Variants in FRMPD4 observed in about 807,000 individuals in gnomAD.
The protein encoded by FRMPD4 is FERM and PDZ domain-containing protein 4.
FRMPD4 carries 22 observed loss-of-function variants against 94.1 expected under a neutral mutation model. The ratio of observed to expected loss-of-function variants is 0.23; its 90% CI spans 0.17 to 0.33. The LOEUF is 0.33. Ranked by LOEUF, FRMPD4 falls within the 10% of genes least tolerant of loss-of-function variation. The pLI is 1.00. For synonymous variants in FRMPD4, 631 were observed against 548.6 expected, an observed-to-expected ratio of 1.15 and a Z score of -2.10; for missense variants, 1,111 against 1,339.9, an observed-to-expected ratio of 0.83 and a Z score of 2.67.
chrX:12,605,286 G>A (rs2059120875), intron 2 of FRMPD4, among the ~76,000 whole-genome samples: 1 of 112,348 alleles, frequency 8.9e-6, no homozygotes, highest in Admixed American at 9.4e-5. Flanking sequence ...ATGCTCATAG[G>A]CAACATGCTC....
chrX:12,645,049 T>C (rs1286227197), intron 4 of FRMPD4, among the ~76,000 whole-genome samples: 2 of 111,555 alleles, frequency 1.8e-5, no homozygotes, highest in African/African-American at 6.5e-5. Flanking sequence ...TAAGGTCTCA[T>C]TTGGGCAGAG....
At chrX:12,451,852 T>C (rs771178946) in intron 1 of FRMPD4, among the ~76,000 whole-genome samples, 21 of 109,894 alleles carry the variant, frequency 1.9e-4, no homozygotes, top group African/African-American at 6.9e-4. Flanking sequence ...CCAGCCTCAA[T>C]AGCTACTTTA....
At chrX:12,435,304 T>G (rs746221347) in intron 1 of FRMPD4, among the ~76,000 whole-genome samples, 2 of 111,860 alleles carry the variant, frequency 1.8e-5, no homozygotes, top group African/African-American at 6.5e-5. Flanking sequence ...CCTAAAACAT[T>G]TTTAAATCAC....
intron 3 of FRMPD4, among the ~76,000 whole-genome samples, chrX:12,120,372 T>C (rs1341451611): frequency 8.9e-6 from 1 of 112,159 alleles, no homozygotes; most frequent in Non-Finnish European, 1.9e-5. Flanking sequence ...CGTCACAAAA[T>C]TGAATCTCTG....
At chrX:12,042,805 AAGGCT>A (rs1411393303) in intron 3 of FRMPD4, among the ~76,000 whole-genome samples, 1 of 111,911 alleles carries the variant, frequency 8.9e-6, no homozygotes, top group East Asian at 2.8e-4. Flanking sequence ...CCTAGAACCT[AAGGCT>A]AGCAAGACCG....
chrX:12,631,839 G>A (rs1256404089), intron 4 of FRMPD4, among the ~76,000 whole-genome samples: 2 of 111,528 alleles, frequency 1.8e-5, no homozygotes, highest in African/African-American at 6.5e-5. Context: ...TGTCACCTTA[G>A]GCTTCATTCA....
chrX:12,141,792 G>A, intron 1 of FRMPD4, among the ~76,000 whole-genome samples: 1 of 111,773 alleles, frequency 8.9e-6, no homozygotes, highest in Non-Finnish European at 1.9e-5. Flanking sequence ...CTGTTTCCTT[G>A]GTAACAGTTC....
intron 3 of FRMPD4, among the ~76,000 whole-genome samples, chrX:12,026,464 GAGA>G (rs373169832): frequency 4.6e-4 from 51 of 111,467 alleles, no homozygotes; most frequent in African/African-American, 1.5e-3. Context: ...TTGGTTCTAT[GAGA>G]AGAAGATCAT....
At chrX:12,188,976 A>G (rs747606957) in intron 1 of FRMPD4, among the ~76,000 whole-genome samples, 2 of 111,850 alleles carry the variant, frequency 1.8e-5, no homozygotes, top group South Asian at 7.4e-4. Context: ...GAAATCAATA[A>G]AGAAATTTCT....
At chrX:12,089,305 G>A (rs1247860631) in intron 3 of FRMPD4, among the ~76,000 whole-genome samples, 1 of 112,050 alleles carries the variant, frequency 8.9e-6, no homozygotes, top group Non-Finnish European at 1.9e-5. Context: ...GCATTTCTAT[G>A]GAGAGTAAAC....
intron 1 of FRMPD4, among the ~76,000 whole-genome samples, chrX:12,270,211 A>G (rs2054334246): frequency 9.0e-6 from 1 of 111,522 alleles, no homozygotes; most frequent in Admixed American, 9.5e-5. Context: ...TCAATTCTCT[A>G]TAATGCTAAT....
At chrX:12,714,904 T>C (rs1327985081) in intron 14 of FRMPD4, among the ~76,000 whole-genome samples, 2 of 112,595 alleles carry the variant, frequency 1.8e-5, no homozygotes, top group East Asian at 2.8e-4. Context: ...TATCTCTTAT[T>C]GTTCATGAAA....
At chrX:12,223,040 G>T (rs1305932383) in intron 1 of FRMPD4, among the ~76,000 whole-genome samples, 2 of 112,269 alleles carry the variant, frequency 1.8e-5, no homozygotes, top group Non-Finnish European at 3.8e-5. Context: ...ATATAGGAAT[G>T]ATATGTTTAA....
chrX:12,366,330 C>T (rs2056077989), intron 1 of FRMPD4, among the ~76,000 whole-genome samples: 1 of 111,894 alleles, frequency 8.9e-6, no homozygotes, highest in African/African-American at 3.3e-5. Flanking sequence ...TGATGATGAA[C>T]CTCCTTGCCA....
chrX:11,983,161 C>A (rs1020129739), intron 3 of FRMPD4, among the ~76,000 whole-genome samples: 26 of 112,219 alleles, frequency 2.3e-4, no homozygotes, highest in African/African-American at 7.8e-4. Context: ...CATGTGTGGA[C>A]AAGCTTTAGG....
intron 1 of FRMPD4, among the ~76,000 whole-genome samples, chrX:12,246,088 C>T (rs772150569): frequency 9.0e-6 from 1 of 111,369 alleles, no homozygotes; most frequent in African/African-American, 3.3e-5. Flanking sequence ...GGTATTCTTC[C>T]CCTTTAGGGT....
chrX:12,506,791 C>T (rs1278447796), intron 2 of FRMPD4, among the ~76,000 whole-genome samples: 1 of 112,339 alleles, frequency 8.9e-6, no homozygotes, highest in Non-Finnish European at 1.9e-5. Context: ...AGAAATGCTG[C>T]ACACAACTAA....
At chrX:12,575,740 G>C (rs1249945633) in intron 2 of FRMPD4, among the ~76,000 whole-genome samples, 2 of 111,942 alleles carry the variant, frequency 1.8e-5, no homozygotes, top group African/African-American at 6.5e-5. Context: ...CAAGAGGGAA[G>C]CAGAAGAGTC....
In FRMPD4 at chrX:12,498,880, A is replaced by G. The variant is rs189775025; in HGVS notation, c.158+84A>G. Reference sequence around the variant, plus strand: ...TGTTTATGAGAATGAACATACTTAAATTAGGCACTCATAGGCATTTGGAGG... The same window carrying G: ...TGTTTATGAGAATGAACATACTTAAGTTAGGCACTCATAGGCATTTGGAGG... On this transcript the variant is annotated intron_variant, in intron 2 of 16. Coordinates refer to ENST00000675598, the MANE Select transcript of FRMPD4 (RefSeq NM_001368397.1). 310 of 527,840 alleles carry G rather than the reference A, an allele frequency of 5.9e-4. 1 individual carries two copies. In the African/African-American group the frequency reaches 6.4e-3, roughly 11 times the overall value. 43.5% of individuals were successfully genotyped at this position (527,840 alleles called of 1,213,427 possible).
Sources: gnomAD v4.1 joint callset for allele counts (sites outside exome capture counted in the v4.1 genomes callset) on GRCh38, gnomAD v4.1.1 for gene constraint, MANE v1.5 for transcripts, NCBI Gene and HGNC (gene_info 2026-07-23, HGNC 2026-07-21) for gene names.